The following EP400 variants were observed in gnomAD, a reference collection of about 807,000 sequenced individuals.
The protein encoded by EP400 is E1A-binding protein p400.
EP400 carries 105 observed loss-of-function variants against 354.1 expected under a neutral mutation model. The observed-to-expected ratio is 0.30, with a 90% confidence interval of 0.25 to 0.35. The LOEUF (loss-of-function observed/expected upper bound fraction) is 0.35. EP400 is among the 10% of genes least tolerant of loss of function. EP400 has a pLI of 1.00. For missense variants in EP400, 3,280 were observed against 4,121.0 expected (o/e 0.80, Z 5.59); for synonymous variants, 1,646 against 1,716.9 (o/e 0.96, Z 1.02).
At position 132,029,612 on chromosome 12, in the gene EP400, C is replaced by A; in HGVS notation, c.5382-89C>A. 7.0e-7 allele frequency: 1 copy of A among 1,421,592 alleles called. No individual in the cohort carries two copies. 88.1% of individuals were successfully genotyped at this position (1,421,592 alleles called of 1,614,324 possible). ...TGCTGTTTCCTGGGACTTGGACTGT[C>A]AGAAGTCTGCCCCATCTTTCAGGAG... On this transcript the variant is annotated intron_variant, in intron 27 of 52. Coordinates refer to ENST00000389561, the MANE Select transcript of EP400 (RefSeq NM_015409.5). The surrounding 1 kb of genome is among the most constrained non-coding windows in gnomAD (Gnocchi z 4.7).
In EP400 at chr12:132,013,933, A is replaced by G. The variant is rs1216217983; in HGVS notation, c.3923+20A>G. ...ACCTGGGTGAGTGTGGGCTCTGGGC[A>G]TGTGCCCCCTTTGCTGTCCCTGCCT... On this transcript the variant is annotated intron_variant, in intron 19 of 52. Transcript: ENST00000389561. This position sits in a 1 kb window ranked among gnomAD's most constrained non-coding sequence, Gnocchi z 4.5. 2 of 1,612,610 alleles carry G rather than the reference A, an allele frequency of 1.2e-6. No homozygotes were observed. The highest frequency in any genetic ancestry group is 1.3e-5 in the African/African-American group (1 of 74,974).
intron 1 of EP400, among the ~76,000 whole-genome samples, chr12:131,956,032 C>G (rs563553263): frequency 9.2e-5 from 14 of 152,204 alleles, no homozygotes; most frequent in Non-Finnish European, 1.9e-4. Flanking sequence ...TTCCCCATTT[C>G]CTCATGCATC....
At chr12:131,978,376 C>T (rs1011360993) in intron 2 of EP400, among the ~76,000 whole-genome samples, 12 of 152,166 alleles carry the variant, frequency 7.9e-5, no homozygotes, top group Admixed American at 2.0e-4. Flanking sequence ...AGAAATGTCC[C>T]GTGCTCACCT....
intron 48 of EP400, 165 bp from the exon 49 acceptor site, chr12:132,066,609 C>T: frequency 1.4e-6 from 1 of 712,768 alleles, no homozygotes; most frequent in East Asian, 3.1e-5. Context: ...CTTGACATTT[C>T]CCTGCGGCGT....
chr12:132,049,539 C>T (rs1318868599), intron 39 of EP400, among the ~76,000 whole-genome samples: 1 of 152,208 alleles, frequency 6.6e-6, no homozygotes, highest in Non-Finnish European at 1.5e-5. Context: ...ACACCCATAC[C>T]TGGGCCTGTG....
At position 131,994,527 on chromosome 12, in the gene EP400, G is replaced by A. The variant is rs779155673; in HGVS notation, c.2738-340G>A. On this transcript the variant is annotated intron_variant, in intron 11 of 52. Transcript: ENST00000389561. This position sits in a 1 kb window ranked among gnomAD's most constrained non-coding sequence, Gnocchi z 4.6. ...TGTGGCTGGGCCTCGTGAGATGGGC[G>A]ATGATGACTTCACGGTGATCCCAGA... 9.2e-5 allele frequency among the ~76,000 whole-genome samples: 14 copies of A among 152,130 alleles called. No homozygotes were observed. The highest frequency in any genetic ancestry group is 3.1e-4 in the African/African-American group (13 of 41,448).
At chr12:132,007,613 C>CA (rs1199182510) in intron 15 of EP400, among the ~76,000 whole-genome samples, 49 of 152,230 alleles carry the variant, frequency 3.2e-4, no homozygotes, top group African/African-American at 1.1e-3. Context: ...GTGTCTCTAA[C>CA]ACAGGACAAG....
intron 11 of EP400, among the ~76,000 whole-genome samples, chr12:131,992,697 C>G (rs1024905701): frequency 1.3e-5 from 2 of 152,098 alleles, no homozygotes; most frequent in Admixed American, 6.5e-5. Context: ...TGACCTATTT[C>G]CAAACCCATG....
In EP400 at chr12:131,994,979, AACATTC is replaced by A; in HGVS notation, c.2827+25_2827+30del. The A allele has an allele frequency of 6.3e-7, 1 of 1,593,062 alleles. No homozygotes were observed. Among genetic ancestry groups the A allele is most frequent in the Non-Finnish European group, 8.6e-7 (1 of 1,162,256 alleles). On this transcript the variant is annotated intron_variant, in intron 12 of 52. Coordinates refer to ENST00000389561, the MANE Select transcript of EP400 (RefSeq NM_015409.5). The surrounding 1 kb of genome is among the most constrained non-coding windows in gnomAD (Gnocchi z 4.6). ...AAGGTAGGCTGTTGCTACCTTATTA[AACATTC>A]AGTAAGTAAAAAGAAACATTTAAAA...
intron 30 of EP400, among the ~76,000 whole-genome samples, chr12:132,037,195 C>T (rs572650815): frequency 1.3e-4 from 20 of 152,156 alleles, no homozygotes; most frequent in African/African-American, 3.9e-4. Context: ...AGCTCACGGT[C>T]GTAATTGAAC....
At position 132,053,576 on chromosome 12, in the gene EP400, G is replaced by A. The variant is rs779835281; in HGVS notation, c.7707G>A (p.Thr2569=). Residue 2569 remains threonine (T), a synonymous_variant, in exon 43 of 53, where the codon ACG becomes ACA. Coordinates refer to ENST00000389561, the MANE Select transcript of EP400 (RefSeq NM_015409.5). ...APAKAQPAIT[T]GGSAAVLAGT... ...CGAAGGCGCAGCCCGCAATCACGAC[G>A]GGGGGCAGTGCAGCCGTACTGGTGA... 2.0e-5 allele frequency: 32 copies of A among 1,563,764 alleles called. No individual in the cohort carries two copies. Among genetic ancestry groups the A allele is most frequent in the South Asian group, 6.9e-5 (6 of 86,686 alleles).
rs146297893 is a variant in EP400, at chr12:131,994,792, C to A, written c.2738-75C>A. ...ATAGCTATGCAAAATAATTTCGAAGCCTTATAGTGTGTAATGAGTAACAGA... is the reference window on the plus strand; with the variant it reads ...ATAGCTATGCAAAATAATTTCGAAGACTTATAGTGTGTAATGAGTAACAGA... On this transcript the variant is annotated intron_variant, in intron 11 of 52. Transcript: ENST00000389561. The surrounding 1 kb of genome is among the most constrained non-coding windows in gnomAD (Gnocchi z 4.6). 2.2e-5 allele frequency: 28 copies of A among 1,283,510 alleles called. No homozygotes were observed. The highest frequency in any genetic ancestry group is 3.8e-5 in the South Asian group (3 of 78,870). The allele number at this position is 1,283,510 out of a possible 1,614,324, so 79.5% of individuals were successfully genotyped here.
intron 45 of EP400, among the ~76,000 whole-genome samples, chr12:132,061,344 C>T (rs1423015686): frequency 5.3e-5 from 8 of 152,196 alleles, no homozygotes; most frequent in Admixed American, 4.6e-4. Flanking sequence ...AAACATACAG[C>T]AGCTGGGTGG....
At chr12:132,043,876 C>T (rs886921359) in intron 34 of EP400, 148 bp downstream of exon 34, 14 of 837,442 alleles carry the variant, frequency 1.7e-5, no homozygotes, top group Non-Finnish European at 2.2e-5. Flanking sequence ...AAGAGAGTCT[C>T]GAGAAGCCCG....
rs141061065 is a variant in EP400, at chr12:131,982,204, C to G, written c.1655C>G (p.Thr552Ser). Residue 552 changes from threonine (T) to serine (S), a missense_variant, in exon 5 of 53, where the codon ACC becomes AGC. Physicochemically the swap from Thr to Ser is moderately conservative, Grantham distance 58. Around this residue, in one of 20 missense-constraint regions of EP400, gnomAD observed 800 missense variants for 840.0 expected, o/e 0.95. Transcript: ENST00000389561. ...GTGCAGAACGCTGCCAGCTTGCACA[C>G]CCCACTGCCGCAGCTGCCCGGGAGG... ...PPVQNAASLHTPLPQLPGRLP... is the reference protein window; with the variant it reads ...PPVQNAASLHSPLPQLPGRLP... 3.1e-6 allele frequency: 5 copies of G among 1,613,720 alleles called. No homozygotes were observed. The highest frequency in any genetic ancestry group is 4.2e-6 in the Non-Finnish European group (5 of 1,179,950).
chr12:132,073,121 G>A (rs1896112655), intron 51 of EP400, among the ~76,000 whole-genome samples: 4 of 151,928 alleles, frequency 2.6e-5, no homozygotes, highest in South Asian at 4.2e-4. Flanking sequence ...TGTATATAAG[G>A]TTGGGTATAT....
chr12:131,952,374 C>G (rs956692272), intron 1 of EP400, among the ~76,000 whole-genome samples: 1 of 151,878 alleles, frequency 6.6e-6, no homozygotes, highest in Non-Finnish European at 1.5e-5. Flanking sequence ...TCTCAAACTC[C>G]TGATCTCAGT....
rs1194321502 is a variant in EP400, at chr12:132,030,998, A to G, written c.5754+840A>G. 3.3e-5 allele frequency among the ~76,000 whole-genome samples: 5 copies of G among 152,348 alleles called. No individual in the cohort carries two copies. In the East Asian group the frequency reaches 9.6e-4, roughly 29 times the overall value. On this transcript the variant is annotated intron_variant, in intron 29 of 52. Transcript: ENST00000389561. ...TTATCTCACACACACGCTCATGTAC[A>G]CGCTGGAGAGGCCTAGAAAGAAATA...
intron 2 of EP400, among the ~76,000 whole-genome samples, chr12:131,966,391 A>C (rs989432732): frequency 9.2e-5 from 14 of 151,810 alleles, no homozygotes; most frequent in Non-Finnish European, 1.9e-4. Context: ...CAACGTGGTG[A>C]AACCCTGTCT....
Sources: allele counts gnomAD v4.1 joint callset (sites outside exome capture counted in the v4.1 genomes callset), GRCh38; gene constraint gnomAD v4.1.1; regional missense constraint gnomAD v4.1.1; non-coding constraint Gnocchi (gnomAD v3.1); transcripts MANE v1.5; gene names NCBI Gene and HGNC (gene_info 2026-07-23, HGNC 2026-07-21).